The following CDKAL1 variants were observed in gnomAD, a reference collection of about 807,000 sequenced individuals.
CDKAL1 encodes CDKAL1 threonylcarbamoyladenosine tRNA methylthiotransferase.
In CDKAL1, 32 loss-of-function variants were observed where a neutral mutation model predicts 68.2. That is an observed-to-expected ratio of 0.47 (90% CI 0.35 to 0.63). CDKAL1 has a LOEUF of 0.63. CDKAL1 is among the 30% of genes least tolerant of loss of function. The pLI is 0.00. For synonymous variants in CDKAL1, 234 were observed against 244.3 expected (o/e 0.96, Z 0.39); for missense variants, 606 against 696.7 (o/e 0.87, Z 1.47).
chr6:21,014,523 A>G (rs557938294), intron 11 of CDKAL1, among the ~76,000 whole-genome samples: 2 of 151,764 alleles, frequency 1.3e-5, no homozygotes, highest in African/African-American at 2.4e-5. Context: ...AGGCAAGAGA[A>G]TGGTGTGAAC....
chr6:20,587,530 TGCCACC>T (rs1205232537), intron 4 of CDKAL1, among the ~76,000 whole-genome samples: 1 of 148,354 alleles, frequency 6.7e-6, no homozygotes, highest in Non-Finnish European at 1.5e-5. Context: ...CCCAGGAGTT[TGCCACC>T]AGCGTGGGCA....
chr6:21,144,244 G>T (rs1776056050), intron 13 of CDKAL1, among the ~76,000 whole-genome samples: 1 of 152,130 alleles, frequency 6.6e-6, no homozygotes, highest in African/African-American at 2.4e-5. Context: ...TGTGAAAGTG[G>T]CATAAAATTA....
At chr6:20,683,286 G>C (rs917574843) in intron 5 of CDKAL1, among the ~76,000 whole-genome samples, 1 of 152,088 alleles carries the variant, frequency 6.6e-6, no homozygotes, top group African/African-American at 2.4e-5. Flanking sequence ...GGTCATTCCT[G>C]CTCCTATTTA....
chr6:20,553,575 C>T (rs749360482), intron 4 of CDKAL1, among the ~76,000 whole-genome samples: 11 of 152,154 alleles, frequency 7.2e-5, no homozygotes, highest in Non-Finnish European at 1.3e-4. Context: ...TTGTTCATTG[C>T]CTCTTTTCAA....
chr6:20,980,221 ATATAG>A (rs1561933096), intron 10 of CDKAL1, among the ~76,000 whole-genome samples: 1 of 148,908 alleles, frequency 6.7e-6, no homozygotes, highest in East Asian at 1.9e-4. Flanking sequence ...ATAGATATAG[ATATAG>A]ATATAGATAT....
chr6:21,119,133 T>G (rs963147876), intron 13 of CDKAL1, among the ~76,000 whole-genome samples: 2 of 152,148 alleles, frequency 1.3e-5, no homozygotes, highest in African/African-American at 4.8e-5. Context: ...TCTGCTCCTT[T>G]CCTCCCCTCC....
At chr6:21,094,830 A>G (rs1185143371) in intron 12 of CDKAL1, among the ~76,000 whole-genome samples, 1 of 152,260 alleles carries the variant, frequency 6.6e-6, no homozygotes, top group Non-Finnish European at 1.5e-5. Context: ...GTTTGAAAAT[A>G]TAAAGCACTA....
At chr6:20,699,237 T>C (rs1771237930) in intron 5 of CDKAL1, among the ~76,000 whole-genome samples, 2 of 152,082 alleles carry the variant, frequency 1.3e-5, no homozygotes, top group African/African-American at 4.8e-5. Flanking sequence ...TTTAATGTAT[T>C]ACAGAGACCA....
chr6:20,823,067 TTC>T (rs781051311), intron 8 of CDKAL1, among the ~76,000 whole-genome samples: 6 of 151,912 alleles, frequency 3.9e-5, no homozygotes, highest in Non-Finnish European at 8.8e-5. Flanking sequence ...CATTCTCGTT[TTC>T]TCTCTCTCTC....
intron 5 of CDKAL1, among the ~76,000 whole-genome samples, chr6:20,720,385 A>T (rs1581441949): frequency 6.7e-6 from 1 of 149,164 alleles, no homozygotes; most frequent in Non-Finnish European, 1.5e-5. Context: ...CGTACAGCAC[A>T]TGTTTGTTAA....
chr6:21,014,206 T>G (rs945444916), intron 11 of CDKAL1, among the ~76,000 whole-genome samples: 12 of 152,210 alleles, frequency 7.9e-5, no homozygotes, highest in African/African-American at 2.9e-4. Flanking sequence ...ATAACACATT[T>G]CTTCTGGACA....
chr6:20,757,454 T>C lies in CDKAL1; in HGVS notation c.469-1141T>C, dbSNP rs1002628298. Reference sequence around the variant, plus strand: ...AAAAACATCAAGGCACAGGTGTATTTTATACATATGTATAACCCCCTACCA... The same window carrying C: ...AAAAACATCAAGGCACAGGTGTATTCTATACATATGTATAACCCCCTACCA... On this transcript the variant is annotated intron_variant, in intron 6 of 15. Transcript: ENST00000274695. 2.6e-5 allele frequency among the ~76,000 whole-genome samples: 4 copies of C among 152,156 alleles called. No individual in the cohort carries two copies. In the East Asian group the frequency reaches 7.7e-4, roughly 29 times the overall value.
chr6:20,962,872 T>G (rs1205835086), intron 10 of CDKAL1, among the ~76,000 whole-genome samples: 2 of 152,252 alleles, frequency 1.3e-5, no homozygotes, highest in Non-Finnish European at 2.9e-5. Flanking sequence ...TGTGGTTTGA[T>G]CTAACTGTTG....
chr6:20,757,864 T>C (rs544855985), intron 6 of CDKAL1, among the ~76,000 whole-genome samples: 3 of 152,238 alleles, frequency 2.0e-5, no homozygotes, highest in Admixed American at 6.5e-5. Flanking sequence ...TGAATCATAA[T>C]ATTACTTTGC....
At chr6:20,816,352 C>G (rs1215513590) in intron 8 of CDKAL1, among the ~76,000 whole-genome samples, 1 of 152,150 alleles carries the variant, frequency 6.6e-6, no homozygotes, top group African/African-American at 2.4e-5. Flanking sequence ...TTTGTACTTT[C>G]ATTTCTATCA....
rs563621965 is a variant in CDKAL1 at position 20,648,356 on chromosome 6, C to T, written c.287-937C>T. 3.3e-5 allele frequency among the ~76,000 whole-genome samples: 5 copies of T among 152,120 alleles called. No homozygotes were observed. The South Asian group carries it at 8.3e-4, about 25-fold the overall frequency. ...TCTTGGCCCAACTGGTCTTGAACTACGGACCTCATGATCCACCCTCCACAG... is the reference window on the plus strand; with the variant it reads ...TCTTGGCCCAACTGGTCTTGAACTATGGACCTCATGATCCACCCTCCACAG... On this transcript the variant is annotated intron_variant, in intron 4 of 15. Coordinates refer to ENST00000274695, the MANE Select transcript of CDKAL1 (RefSeq NM_017774.3).
In CDKAL1 at chr6:20,748,555, G is replaced by GGAAAA. The variant is rs1773766913; in HGVS notation, c.468+8940_468+8941insGAAAA. On this transcript the variant is annotated intron_variant, in intron 6 of 15. Coordinates refer to ENST00000274695, the MANE Select transcript of CDKAL1 (RefSeq NM_017774.3). ...GAAAGAGAGCAAGACTCTGTTTCTG[G>GGAAAA]AAAAAAAAAAAAAAAAAAAAAAAAA... is the stretch of plus-strand genomic sequence containing the variant. Among the ~76,000 whole-genome samples the GGAAAA allele has an allele frequency of 1.1e-3, 33 of 28,760 alleles. 1 individual carries two copies. The highest frequency in any genetic ancestry group is 3.5e-3 in the African/African-American group (30 of 8,670). 18.9% of individuals were successfully genotyped at this position (28,760 alleles called of 152,430 possible).
rs181617989 is a variant in CDKAL1, at chr6:20,665,493, C to G, written c.371+16116C>G. 4.4e-3 allele frequency among the ~76,000 whole-genome samples: 672 copies of G among 152,070 alleles called. 5 individuals carry two copies. The highest frequency in any genetic ancestry group is 0.015 in the African/African-American group (638 of 41,484). On this transcript the variant is annotated intron_variant, in intron 5 of 15. Transcript: ENST00000274695. ...TGTGTAGCCTTAACAGCTTAAATGC[C>G]AAGAATAGCATTGGTGATCTAGTGA...
At chr6:21,037,845 T>C (rs1319018494) in intron 11 of CDKAL1, among the ~76,000 whole-genome samples, 2 of 152,228 alleles carry the variant, frequency 1.3e-5, no homozygotes, top group African/African-American at 4.8e-5. Context: ...CACATAAATA[T>C]TTAATTTCAC....
Sources: allele counts gnomAD v4.1 joint callset (sites outside exome capture counted in the v4.1 genomes callset), GRCh38; gene constraint gnomAD v4.1.1; transcripts MANE v1.5; gene names NCBI Gene and HGNC (gene_info 2026-07-23, HGNC 2026-07-21).